DAB1: variants seen among roughly 807,000 people sequenced by gnomAD.
DAB1 encodes the protein DAB adaptor protein 1, also known as disabled homolog 1.
DAB1 carries 15 observed loss-of-function variants against 64.6 expected under a neutral mutation model. The observed-to-expected ratio is 0.23, with a 90% CI of 0.16 to 0.36. The LOEUF (loss-of-function observed/expected upper bound fraction) is 0.36, where lower values mean the gene tolerates loss of function less well. Among genes scored for constraint, DAB1 ranks in the 10% least tolerant of loss-of-function variants. The pLI is 1.00. For missense variants in DAB1, 596 were observed against 706.7 expected (o/e 0.84, Z 1.78); for synonymous variants, 235 against 251.9 (o/e 0.93, Z 0.64).
chr1:57,157,049 C>T (rs1202024324), intron 2 of DAB1, among the ~76,000 whole-genome samples: 1 of 152,178 alleles, frequency 6.6e-6, no homozygotes, highest in Non-Finnish European at 1.5e-5. Flanking sequence ...GACACTGAAG[C>T]AGAGCCCACA....
Position 57,906,981 on chromosome 1 carries a change from T to C in DAB1, n.388-22819A>G, listed in dbSNP as rs1037733159. On this transcript the variant is annotated intron_variant and non_coding_transcript_variant, in intron 5 of 20. Transcript: ENST00000485760. ...ATAGATAGATAGATAGATAGATAGA[T>C]AGATAGATTTGCTAAGCAAAGGAAC... Among the ~76,000 whole-genome samples, 3 of 148,510 alleles carry C rather than the reference T, an allele frequency of 2.0e-5. No individual in the cohort carries two copies. In the South Asian group the frequency reaches 6.3e-4, roughly 31 times the overall value.
intron 1 of DAB1, among the ~76,000 whole-genome samples, chr1:57,396,029 C>A (rs1401024877): frequency 6.6e-6 from 1 of 152,164 alleles, no homozygotes; most frequent in African/African-American, 2.4e-5. Flanking sequence ...TTAAATATTT[C>A]TTGTGGGGCT....
chr1:57,381,262 T>C (rs1053414693), intron 1 of DAB1, among the ~76,000 whole-genome samples: 1 of 152,118 alleles, frequency 6.6e-6, no homozygotes, highest in Non-Finnish European at 1.5e-5. Flanking sequence ...ACTTAGAAGA[T>C]AATAGAACAA....
At chr1:58,511,337 G>C (rs931297197) in intron 2 of DAB1, among the ~76,000 whole-genome samples, 4 of 152,140 alleles carry the variant, frequency 2.6e-5, no homozygotes, top group Non-Finnish European at 5.9e-5. Context: ...ACAGATCTTT[G>C]ATGAGGGTAC....
intron 3 of DAB1, among the ~76,000 whole-genome samples, chr1:58,381,949 CAAAGAAGTGAGACTGAATGACACCATG>C (rs779490373): frequency 0.019 from 2,037 of 109,506 alleles, 53 homozygotes; most frequent in African/African-American, 0.058. Context: ...ATGACACCAT[CAAAGAAGTGAGACTGAATGACACCATG>C]AAAGAAGAAA....
At chr1:57,829,235 A>G (rs1652484061) in intron 1 of DAB1, among the ~76,000 whole-genome samples, 1 of 152,212 alleles carries the variant, frequency 6.6e-6, no homozygotes, top group South Asian at 2.1e-4. Context: ...CTGATTATTA[A>G]CTAACAATTG....
intron 5 of DAB1, among the ~76,000 whole-genome samples, chr1:58,057,090 T>C (rs1388850150): frequency 6.6e-6 from 1 of 152,156 alleles, no homozygotes; most frequent in African/African-American, 2.4e-5. Flanking sequence ...ACTCTGATTT[T>C]CCCCTCTGGC....
chr1:57,636,176 T>A (rs1646054960), intron 7 of DAB1, among the ~76,000 whole-genome samples: 1 of 149,864 alleles, frequency 6.7e-6, no homozygotes, highest in Non-Finnish European at 1.5e-5. Flanking sequence ...TCTCCCATTC[T>A]CTACCCGAGT....
chr1:58,019,341 T>C (rs1646784900), intron 5 of DAB1, among the ~76,000 whole-genome samples: 1 of 152,158 alleles, frequency 6.6e-6, no homozygotes. Context: ...TTAGAAAATA[T>C]AAAGGGAATA....
At chr1:57,074,455 C>T (rs1651799128) in intron 4 of DAB1, among the ~76,000 whole-genome samples, 1 of 152,170 alleles carries the variant, frequency 6.6e-6, no homozygotes, top group Non-Finnish European at 1.5e-5. Flanking sequence ...CAAAACCAGC[C>T]TCCTGGCACA....
intron 9 of DAB1, among the ~76,000 whole-genome samples, chr1:57,047,812 G>A (rs1161161841): frequency 6.6e-6 from 1 of 152,140 alleles, no homozygotes; most frequent in Admixed American, 6.5e-5. Flanking sequence ...TATTGCTTGA[G>A]CATGGAGACC....
intron 2 of DAB1, among the ~76,000 whole-genome samples, chr1:58,512,163 C>A (rs982049978): frequency 2.6e-5 from 4 of 152,042 alleles, no homozygotes; most frequent in African/African-American, 9.7e-5. Context: ...TTCAATATCA[C>A]TAATCATCAG....
At chr1:58,087,166 TAA>T (rs1043678996) in intron 5 of DAB1, among the ~76,000 whole-genome samples, 4 of 152,196 alleles carry the variant, frequency 2.6e-5, no homozygotes, top group Non-Finnish European at 4.4e-5. Context: ...GAGTGAGAAC[TAA>T]AAGTTATAGC....
At position 58,401,568 on chromosome 1, in the gene DAB1, G is replaced by A. The variant is rs185387932; in HGVS notation, n.258-58165C>T. Among the ~76,000 whole-genome samples, 278 of 152,158 alleles carry A rather than the reference G, an allele frequency of 1.8e-3. 1 individual carries two copies. The highest frequency in any genetic ancestry group is 6.4e-3 in the African/African-American group (264 of 41,506). On this transcript the variant is annotated intron_variant and non_coding_transcript_variant, in intron 3 of 20. Transcript: ENST00000485760. ...TACTTATTTATTTCATTTATTATCT[G>A]TTTTTCTCCAGCAGAATGTAATCTT... is the stretch of plus-strand genomic sequence containing the variant.
chr1:57,472,871 A>G (rs930584418), intron 7 of DAB1, among the ~76,000 whole-genome samples: 2 of 152,170 alleles, frequency 1.3e-5, no homozygotes, highest in African/African-American at 4.8e-5. Flanking sequence ...CTTTATATTT[A>G]TGGTGCACAA....
chr1:57,214,001 T>C (rs192326670), intron 2 of DAB1, among the ~76,000 whole-genome samples: 13 of 152,336 alleles, frequency 8.5e-5, no homozygotes, highest in African/African-American at 3.1e-4. Context: ...GTAATTGCAA[T>C]GCAGTGGGAT....
At chr1:57,064,840 T>A (rs1002121274) in intron 8 of DAB1, among the ~76,000 whole-genome samples, 1 of 152,208 alleles carries the variant, frequency 6.6e-6, no homozygotes, top group African/African-American at 2.4e-5. Flanking sequence ...AAGTAGCCAG[T>A]GAAGAATGTC....
At chr1:57,788,653 C>G (rs1650448006) in intron 6 of DAB1, among the ~76,000 whole-genome samples, 3 of 152,162 alleles carry the variant, frequency 2.0e-5, no homozygotes. Flanking sequence ...TAGAGTCAGG[C>G]AGACCCAGTT....
intron 5 of DAB1, among the ~76,000 whole-genome samples, chr1:58,124,352 A>G (rs1652934026): frequency 6.6e-6 from 1 of 152,164 alleles, no homozygotes; most frequent in Admixed American, 6.6e-5. Flanking sequence ...TGTTATTTTC[A>G]TCACTGCTTC....
Sources: allele counts gnomAD v4.1 joint callset (sites outside exome capture counted in the v4.1 genomes callset), GRCh38; gene constraint gnomAD v4.1.1; transcripts MANE v1.5; gene names NCBI Gene and HGNC (gene_info 2026-07-23, HGNC 2026-07-21).